Variants in PARP16 observed in about 807,000 individuals in gnomAD.
PARP16 encodes the protein protein mono-ADP-ribosyltransferase PARP16.
PARP16 carries 31 observed loss-of-function variants against 35.0 expected under a neutral mutation model. The observed-to-expected ratio is 0.88, with a 90% CI of 0.66 to 1.19. The LOEUF is 1.19. PARP16 is among the 50% of genes most tolerant of loss of function. PARP16 has a pLI of 0.00. For missense variants in PARP16, 424 were observed against 411.2 expected (o/e 1.03, Z -0.27); for synonymous variants, 162 against 169.5 (o/e 0.96, Z 0.34).
intron 1 of PARP16, among the ~76,000 whole-genome samples, chr15:65,280,560 A>G (rs1358208569): frequency 2.0e-5 from 3 of 152,234 alleles, no homozygotes; most frequent in Non-Finnish European, 4.4e-5. Flanking sequence ...AGTATTATTT[A>G]TAAAAGCAAA....
intron 1 of PARP16, 144 bp downstream of exon 1, chr15:65,286,109 C>G: frequency 1.5e-6 from 1 of 655,018 alleles, no homozygotes; most frequent in Non-Finnish European, 2.5e-6. Context: ...GAAACCTTCC[C>G]CAAGGCAAGG....
chr15:65,286,271 A>T lies in PARP16; in HGVS notation c.156T>A (p.Cys52Ter), dbSNP rs1026681225. 5.0e-6 allele frequency: 8 copies of T among 1,590,558 alleles called. No individual in the cohort carries two copies. In the African/African-American group the frequency reaches 9.7e-5, roughly 19 times the overall value. ...CACTCACCAGGGCTTCAAAGTCCTT[A>T]CAGTCGCCGCGGGCGTAGGACGCGG... ...PFPASYARGD[C>*]KDFEALLADA... Residue 52 changes from cysteine to a stop codon, truncating the protein, a stop_gained, in exon 1 of 6, where the codon TGT becomes TGA. Coordinates refer to ENST00000649807, the MANE Select transcript of PARP16 (RefSeq NM_001316943.2). LOFTEE classifies it high-confidence loss of function.
At chr15:65,233,911 TA>T (rs1297776287), downstream of PARP16, among the ~76,000 whole-genome samples, 4 of 152,252 alleles carry the variant, frequency 2.6e-5, no homozygotes, top group East Asian at 3.9e-4. Flanking sequence ...ATCAGTGCAG[TA>T]AAAAAATTTT....
chr15:65,267,856 AT>A (rs1204745455), intron 2 of PARP16, among the ~76,000 whole-genome samples: 20 of 149,860 alleles, frequency 1.3e-4, no homozygotes, highest in Non-Finnish European at 1.9e-4. Context: ...CCCCTGGCTA[AT>A]TTTTTTTGTA....
intron 2 of PARP16, among the ~76,000 whole-genome samples, chr15:65,269,204 CTT>C (rs894925251): frequency 9.7e-6 from 1 of 103,482 alleles, no homozygotes; most frequent in African/African-American, 3.1e-5. Context: ...TTCTTTCTTT[CTT>C]TTTTTTTTGA....
intron 5 of PARP16, 142 bp downstream of exon 5, chr15:65,260,743 C>T: frequency 1.4e-6 from 1 of 720,238 alleles, no homozygotes; most frequent in East Asian, 2.5e-5. Flanking sequence ...CTATCTCTCA[C>T]TTCTCACCGT....
At chr15:65,278,355 C>T (rs1020422330) in intron 1 of PARP16, among the ~76,000 whole-genome samples, 7 of 152,146 alleles carry the variant, frequency 4.6e-5, no homozygotes, top group East Asian at 1.9e-4. Flanking sequence ...TCCCAGTTTC[C>T]GAAAAGCTAG....
downstream of PARP16, among the ~76,000 whole-genome samples, chr15:65,232,219 A>T (rs1006875206): frequency 1.1e-4 from 16 of 152,156 alleles, no homozygotes; most frequent in African/African-American, 3.6e-4. Context: ...GTTGGGAGGT[A>T]GTGGTGTTTA....
chr15:65,278,867 C>G (rs2090336878), intron 1 of PARP16, among the ~76,000 whole-genome samples: 1 of 152,072 alleles, frequency 6.6e-6, no homozygotes, highest in Non-Finnish European at 1.5e-5. Flanking sequence ...AAAGGTCTGC[C>G]AAGGTCACCA....
At chr15:65,259,564 G>A in intron 5 of PARP16, 22 bp from the exon 6 acceptor site, 2 of 1,610,502 alleles carry the variant, frequency 1.2e-6, no homozygotes, top group Non-Finnish European at 1.7e-6. Flanking sequence ...GGAAAAAAGA[G>A]TGGTGTTGGC....
At chr15:65,268,904 G>A (rs549409671) in intron 2 of PARP16, among the ~76,000 whole-genome samples, 6 of 152,014 alleles carry the variant, frequency 3.9e-5, no homozygotes, top group Non-Finnish European at 8.8e-5. Flanking sequence ...ACAGGCATGT[G>A]CCACAATGCC....
chr15:65,243,977 G>T (rs1198279686), intron 3 of PARP16, among the ~76,000 whole-genome samples: 1 of 151,682 alleles, frequency 6.6e-6, no homozygotes. Context: ...CTGCTTAAGG[G>T]TCTTACTGCC....
chr15:65,248,455 T>C (rs1206781323), intron 2 of PARP16, among the ~76,000 whole-genome samples: 1 of 152,016 alleles, frequency 6.6e-6, no homozygotes, highest in African/African-American at 2.4e-5. Context: ...AGGCCCACAC[T>C]TTCCCTCAAA....
At chr15:65,250,813 T>C (rs143991524) in intron 2 of PARP16, among the ~76,000 whole-genome samples, 1 of 152,274 alleles carries the variant, frequency 6.6e-6, no homozygotes, top group Non-Finnish European at 1.5e-5. Flanking sequence ...CCCTTGAGAC[T>C]GAGGCTGCAG....
rs887390843 is a variant in PARP16, at chr15:65,270,863, G to A, written c.312+72C>T. 5 of 1,461,590 alleles carry A rather than the reference G, an allele frequency of 3.4e-6. No homozygotes were observed. The African/African-American group carries it at 7.0e-5, about 20-fold the overall frequency. 90.5% of individuals were successfully genotyped at this position (1,461,590 alleles called of 1,614,324 possible). On this transcript the variant is annotated intron_variant, in intron 2 of 5. Coordinates refer to ENST00000649807, the MANE Select transcript of PARP16 (RefSeq NM_001316943.2). ...CACTGGTACACAGGGAAGTCTCAGA[G>A]CCACTGGATTCAGTGCTGTCCTAGA...
downstream of PARP16, among the ~76,000 whole-genome samples, chr15:65,253,139 AAAAAAAAACAAAACAAAC>A (rs1372763604): frequency 7.1e-6 from 1 of 141,444 alleles, no homozygotes; most frequent in East Asian, 2.0e-4. Context: ...GTCTCAAAAA[AAAAAAAAACAAAACAAAC>A]AAAAAAAACA....
rs1250784676 is a variant in PARP16 at position 65,271,050 on chromosome 15, G to A, written c.197C>T (p.Pro66Leu). 6.2e-7 allele frequency: 1 copy of A among 1,613,996 alleles called. No individual in the cohort carries two copies. Among genetic ancestry groups the A allele is most frequent in the Non-Finnish European group, 8.5e-7 (1 of 1,179,998 alleles). Residue 66 changes from proline to leucine, a missense_variant, in exon 2 of 6, where the codon CCT becomes CTT. Pro to Leu is a moderately conservative substitution (Grantham distance 98). Coordinates refer to ENST00000649807, the MANE Select transcript of PARP16 (RefSeq NM_001316943.2). ...EALLADASKL[P>L]NLKELLQSSG... Reference sequence around the variant, plus strand: ...GGACTGGAGAAGTTCTTTCAGGTTAGGTAACTTGCTGGCATCTGCAAGCTG... The same window carrying A: ...GGACTGGAGAAGTTCTTTCAGGTTAAGTAACTTGCTGGCATCTGCAAGCTG...
At chr15:65,279,444 C>G (rs1195429098) in intron 1 of PARP16, among the ~76,000 whole-genome samples, 1 of 152,110 alleles carries the variant, frequency 6.6e-6, no homozygotes, top group African/African-American at 2.4e-5. Flanking sequence ...ATGGATCCCA[C>G]CCCTTCACCC....
At chr15:65,261,612 T>C (rs919627083) in intron 4 of PARP16, among the ~76,000 whole-genome samples, 1 of 151,470 alleles carries the variant, frequency 6.6e-6, no homozygotes, top group African/African-American at 2.4e-5. Flanking sequence ...CCTGCCACCA[T>C]GCCCGGCTAA....
Sources: gnomAD v4.1 joint callset for allele counts (sites outside exome capture counted in the v4.1 genomes callset) on GRCh38, gnomAD v4.1.1 for gene constraint, MANE v1.5 for transcripts, NCBI Gene and HGNC (gene_info 2026-07-23, HGNC 2026-07-21) for gene names.